The following NAALADL2 variants were observed in gnomAD, a reference collection of about 807,000 sequenced individuals.
The protein encoded by NAALADL2 is inactive N-acetylated-alpha-linked acidic dipeptidase-like protein 2.
A neutral mutation model predicts 87.2 loss-of-function variants in NAALADL2; 76 were observed. That is an observed-to-expected ratio of 0.87 (90% confidence interval 0.72 to 1.05). The LOEUF (loss-of-function observed/expected upper bound fraction) is 1.05. NAALADL2 is among the 50% of genes least tolerant of loss of function. The pLI is 0.00. For synonymous variants in NAALADL2, 354 were observed against 331.0 expected, an observed-to-expected ratio of 1.07 and a Z score of -0.75; for missense variants, 1,089 against 945.8, an observed-to-expected ratio of 1.15 and a Z score of -1.99.
At chr3:174,454,950 GT>G (rs201906958) in intron 1 of NAALADL2, among the ~76,000 whole-genome samples, 3,118 of 141,106 alleles carry the variant, frequency 0.022, 53 homozygotes, top group South Asian at 0.047. Context: ...TCCAGGAGTT[GT>G]TTTTTTTTTT....
chr3:175,424,358 C>T (rs1227290506), intron 5 of NAALADL2, among the ~76,000 whole-genome samples: 1 of 152,008 alleles, frequency 6.6e-6, no homozygotes, highest in Non-Finnish European at 1.5e-5. Context: ...AATGGTATTG[C>T]CTAGGTTTTC....
At chr3:175,408,876 A>G (rs988133004) in intron 5 of NAALADL2, among the ~76,000 whole-genome samples, 6 of 151,994 alleles carry the variant, frequency 3.9e-5, no homozygotes, top group Non-Finnish European at 7.4e-5. Context: ...AAGTTGAGAA[A>G]ATTGAAGTGA....
intron 1 of NAALADL2, among the ~76,000 whole-genome samples, chr3:175,057,237 G>C (rs780310635): frequency 2.0e-5 from 3 of 152,132 alleles, no homozygotes; most frequent in Non-Finnish European, 2.9e-5. Flanking sequence ...GAACATGGTA[G>C]GGCTTTAATC....
At chr3:175,616,289 A>ATATAT (rs148308535) in intron 10 of NAALADL2, among the ~76,000 whole-genome samples, 28,163 of 147,972 alleles carry the variant, frequency 0.19, 3,037 homozygotes, top group African/African-American at 0.28. Flanking sequence ...AATATAATAA[A>ATATAT]TATGAATATA....
At chr3:175,059,009 A>T (rs1712846509) in intron 1 of NAALADL2, among the ~76,000 whole-genome samples, 1 of 152,200 alleles carries the variant, frequency 6.6e-6, no homozygotes, top group South Asian at 2.1e-4. Context: ...GTTGTCAGGG[A>T]CATTGCTTTA....
chr3:175,434,913 T>A (rs190310057), intron 5 of NAALADL2, among the ~76,000 whole-genome samples: 181 of 152,162 alleles, frequency 1.2e-3, no homozygotes, highest in Non-Finnish European at 2.2e-3. Flanking sequence ...TTAGTTTGTT[T>A]TTCTTATGAT....
At chr3:174,579,725 A>G (rs1462226894) in intron 2 of NAALADL2, among the ~76,000 whole-genome samples, 1 of 152,104 alleles carries the variant, frequency 6.6e-6, no homozygotes, top group Non-Finnish European at 1.5e-5. Flanking sequence ...AAATGCAAAC[A>G]AACTAAAAGA....
chr3:175,423,667 G>T (rs942517435), intron 5 of NAALADL2, among the ~76,000 whole-genome samples: 16 of 152,106 alleles, frequency 1.1e-4, no homozygotes, highest in African/African-American at 3.9e-4. Context: ...GTCTATCATT[G>T]TTGGACATTT....
At chr3:174,966,106 T>C (rs972311504) in intron 1 of NAALADL2, among the ~76,000 whole-genome samples, 1 of 152,156 alleles carries the variant, frequency 6.6e-6, no homozygotes, top group African/African-American at 2.4e-5. Flanking sequence ...TGTACCTGAA[T>C]TATTATAATA....
chr3:175,268,034 A>G (rs1752231586), intron 4 of NAALADL2, among the ~76,000 whole-genome samples: 1 of 152,238 alleles, frequency 6.6e-6, no homozygotes, highest in African/African-American at 2.4e-5. Flanking sequence ...AAGGTGTTTT[A>G]AAACATAGTT....
chr3:175,666,768 TTAG>T (rs1313684127), intron 11 of NAALADL2, among the ~76,000 whole-genome samples: 1 of 152,124 alleles, frequency 6.6e-6, no homozygotes, highest in Non-Finnish European at 1.5e-5. Flanking sequence ...TCTTAGCACC[TTAG>T]TAGTGTAGAT....
At chr3:174,676,285 A>C (rs971376219) in intron 2 of NAALADL2, among the ~76,000 whole-genome samples, 1 of 152,076 alleles carries the variant, frequency 6.6e-6, no homozygotes, top group African/African-American at 2.4e-5. Context: ...TGGCCGCTTC[A>C]TTGTGGTAAG....
At chr3:174,556,991 C>T (rs1311130375) in intron 2 of NAALADL2, among the ~76,000 whole-genome samples, 1 of 152,138 alleles carries the variant, frequency 6.6e-6, no homozygotes, top group African/African-American at 2.4e-5. Context: ...AGCAGTCCTC[C>T]CTCCTTGGCC....
chr3:174,721,589 G>A (rs1372659558), intron 2 of NAALADL2, among the ~76,000 whole-genome samples: 1 of 152,160 alleles, frequency 6.6e-6, no homozygotes, highest in African/African-American at 2.4e-5. Flanking sequence ...AATAAAATAA[G>A]TTTGATGGTA....
intron 3 of NAALADL2, among the ~76,000 whole-genome samples, chr3:174,770,974 A>G (rs1433939845): frequency 1.3e-5 from 2 of 152,224 alleles, no homozygotes; most frequent in African/African-American, 4.8e-5. Context: ...TGTAGGAATC[A>G]AGCCTTTTTG....
In NAALADL2 at chr3:175,423,051, A is replaced by ATATAT. The variant is rs1458599872; in HGVS notation, c.1091-24177_1091-24176insATATT. On this transcript the variant is annotated intron_variant, in intron 5 of 13. Coordinates refer to ENST00000454872, the MANE Select transcript of NAALADL2 (RefSeq NM_207015.3). ...AAAATATATATATATATATATATATATTTTTTTTTTTTCCTGAGTTGTAGA... is the reference window on the plus strand; with the variant it reads ...AAAATATATATATATATATATATATATATATTTTTTTTTTTTTCCTGAGTTGTAGA... Among the ~76,000 whole-genome samples the ATATAT allele has an allele frequency of 1.2e-3, 108 of 91,506 alleles. No homozygotes were observed. In the East Asian group the frequency reaches 0.014, roughly 12 times the overall value. 60.0% of individuals were successfully genotyped at this position (91,506 alleles called of 152,430 possible). A position where few individuals can be genotyped will look rare whatever the true frequency, so the allele number is the denominator to read the frequency against.
At chr3:175,104,717 A>G (rs1722803963) in intron 2 of NAALADL2, among the ~76,000 whole-genome samples, 1 of 152,170 alleles carries the variant, frequency 6.6e-6, no homozygotes, top group African/African-American at 2.4e-5. Context: ...TATGCAAACG[A>G]TAACAGAATG....
At chr3:175,534,436 G>A (rs530826724) in intron 9 of NAALADL2, among the ~76,000 whole-genome samples, 2 of 152,278 alleles carry the variant, frequency 1.3e-5, no homozygotes, top group South Asian at 4.1e-4. Context: ...GCAGAAAGAG[G>A]TAGTCTGGGA....
At chr3:175,770,642 G>A (rs868394026) in intron 13 of NAALADL2, among the ~76,000 whole-genome samples, 1 of 152,112 alleles carries the variant, frequency 6.6e-6, no homozygotes, top group Admixed American at 6.6e-5. Context: ...CTTCAAATGT[G>A]CCAGGTACAG....
Sources: gnomAD v4.1 joint callset for allele counts (sites outside exome capture counted in the v4.1 genomes callset) on GRCh38, gnomAD v4.1.1 for gene constraint, MANE v1.5 for transcripts, NCBI Gene and HGNC (gene_info 2026-07-23, HGNC 2026-07-21) for gene names.